NXN: variants seen among roughly 807,000 people sequenced by gnomAD.
NXN encodes the protein nucleoredoxin 1.
Under a neutral mutation model 48.6 loss-of-function variants are expected in NXN, and 16 were observed. That is an observed-to-expected ratio of 0.33 (90% CI 0.22 to 0.50). The LOEUF is 0.50. Ranked by LOEUF, NXN falls within the 20% of genes least tolerant of loss-of-function variation. The probability of loss-of-function intolerance (pLI) is 0.98; values close to 1 mark genes in which losing one functional copy is unlikely to be tolerated. For synonymous variants in NXN, 281 were observed against 269.6 expected (o/e 1.04, Z -0.41); for missense variants, 492 against 605.5 (o/e 0.81, Z 1.97).
At chr17:927,580 C>CAA (rs71371593) in intron 1 of NXN, among the ~76,000 whole-genome samples, 46,821 of 116,724 alleles carry the variant, frequency 0.4, 10,331 homozygotes, top group Non-Finnish European at 0.43. Context: ...AACCTTGTCT[C>CAA]AAAAAAAAAA....
At chr17:955,358 T>C (rs1334403733) in intron 1 of NXN, among the ~76,000 whole-genome samples, 2 of 150,970 alleles carry the variant, frequency 1.3e-5, no homozygotes, top group African/African-American at 2.4e-5. Flanking sequence ...TTAGTAGAGA[T>C]GGGGTTTCAC....
intron 1 of NXN, among the ~76,000 whole-genome samples, chr17:936,696 T>A (rs186973279): frequency 2.9e-4 from 44 of 150,810 alleles, no homozygotes; most frequent in African/African-American, 8.3e-4. Flanking sequence ...GCATCAGAGC[T>A]GTCGGCGGTA....
chr17:805,347 T>C (rs1383389821), intron 5 of NXN, 100 bp from the exon 6 acceptor site: 4 of 1,290,236 alleles, frequency 3.1e-6, no homozygotes, highest in Non-Finnish European at 3.1e-6. Context: ...CCGACCGTGG[T>C]GGAGCCCACC....
intron 1 of NXN, among the ~76,000 whole-genome samples, chr17:931,104 T>C (rs1201207584): frequency 1.3e-5 from 2 of 152,036 alleles, no homozygotes. Flanking sequence ...AATCGATCTC[T>C]AGCCTAGCAG....
At chr17:906,300 A>G (rs1484224371) in intron 1 of NXN, among the ~76,000 whole-genome samples, 2 of 152,060 alleles carry the variant, frequency 1.3e-5, no homozygotes, top group Non-Finnish European at 2.9e-5. Flanking sequence ...TTACTTCTAA[A>G]CTGTGTATTT....
At chr17:947,072 C>T (rs1278531701) in intron 1 of NXN, among the ~76,000 whole-genome samples, 4 of 152,144 alleles carry the variant, frequency 2.6e-5, no homozygotes. Flanking sequence ...CCAGCACGGG[C>T]CCCCCACTCA....
At chr17:851,409 G>A (rs919370129) in intron 1 of NXN, among the ~76,000 whole-genome samples, 22 of 152,274 alleles carry the variant, frequency 1.4e-4, no homozygotes, top group Non-Finnish European at 2.1e-4. Context: ...AAGCAGAGGG[G>A]CTGAGGGGCT....
At chr17:900,189 C>CG (rs60567421) in intron 1 of NXN, among the ~76,000 whole-genome samples, 18 of 151,870 alleles carry the variant, frequency 1.2e-4, no homozygotes, top group Admixed American at 2.0e-4. Flanking sequence ...CGCTTGAACC[C>CG]GGGGGGGCAG....
intron 1 of NXN, among the ~76,000 whole-genome samples, chr17:945,613 A>C (rs928627103): frequency 8.5e-5 from 12 of 141,472 alleles, no homozygotes; most frequent in Non-Finnish European, 1.7e-4. Flanking sequence ...CCTGGGCGAG[A>C]GAGTGACTCC....
intron 1 of NXN, among the ~76,000 whole-genome samples, chr17:943,920 G>A (rs376179100): frequency 1.7e-4 from 26 of 151,246 alleles, no homozygotes; most frequent in African/African-American, 3.4e-4. Context: ...TGTTTAACTC[G>A]ACAATCCTTC....
At chr17:930,480 T>C (rs2068842051) in intron 1 of NXN, 1 of 151,914 alleles carries the variant, frequency 6.6e-6, no homozygotes, top group Non-Finnish European at 1.5e-5. Flanking sequence ...AAACAATATT[T>C]ACAGACACAA....
intron 1 of NXN, among the ~76,000 whole-genome samples, chr17:904,839 C>T (rs760025721): frequency 4.6e-5 from 7 of 152,270 alleles, no homozygotes; most frequent in South Asian, 4.1e-4. Context: ...CCACCATGCC[C>T]GGCCCTTGGC....
At chr17:847,166 A>C (rs1339656330) in intron 1 of NXN, among the ~76,000 whole-genome samples, 1 of 151,764 alleles carries the variant, frequency 6.6e-6, no homozygotes, top group Non-Finnish European at 1.5e-5. Context: ...CCGCGGAGCC[A>C]CTAGCACTCG....
chr17:979,155 G>A (rs1256582468), intron 1 of NXN, among the ~76,000 whole-genome samples, 164 bp downstream of exon 1: 3 of 87,468 alleles, frequency 3.4e-5, no homozygotes, highest in Non-Finnish European at 6.9e-5. Context: ...GCGGGGAGAG[G>A]ACAGTGGGTC....
At chr17:939,574 G>C (rs1324651180) in intron 1 of NXN, among the ~76,000 whole-genome samples, 2 of 152,116 alleles carry the variant, frequency 1.3e-5, no homozygotes, top group African/African-American at 4.8e-5. Flanking sequence ...TCAAACTCCT[G>C]ACCTCAGGTG....
At chr17:889,609 G>A (rs1212335027) in intron 1 of NXN, among the ~76,000 whole-genome samples, 7 of 151,906 alleles carry the variant, frequency 4.6e-5, no homozygotes, top group African/African-American at 4.8e-5. Flanking sequence ...CCCGGGAGGC[G>A]GAGGTTGCAG....
chr17:908,852 C>T (rs1176495145), intron 1 of NXN, among the ~76,000 whole-genome samples: 1 of 152,038 alleles, frequency 6.6e-6, no homozygotes, highest in Non-Finnish European at 1.5e-5. Flanking sequence ...ACCTGTAATC[C>T]CAGCACTTTG....
chr17:889,310 T>G (rs946128343), intron 1 of NXN, among the ~76,000 whole-genome samples: 3 of 152,186 alleles, frequency 2.0e-5, no homozygotes, highest in Non-Finnish European at 2.9e-5. Flanking sequence ...GCTACCGTTG[T>G]CGAAACATAC....
At chr17:896,944 C>T in intron 1 of NXN, 1 of 1,244,052 alleles carries the variant, frequency 8.0e-7, no homozygotes, top group South Asian at 1.3e-5. Flanking sequence ...CCAAGCCAGT[C>T]CCCTCCTAGG....
Sources: allele counts gnomAD v4.1 joint callset (sites outside exome capture counted in the v4.1 genomes callset), GRCh38; gene constraint gnomAD v4.1.1; transcripts MANE v1.5; gene names NCBI Gene and HGNC (gene_info 2026-07-23, HGNC 2026-07-21).